Variants in MLLT6 observed in about 807,000 individuals in gnomAD.
The protein encoded by MLLT6 is MLLT6, PHD finger containing, also known as protein AF-17.
MLLT6 carries 22 observed loss-of-function variants against 103.0 expected under a neutral mutation model. That is an observed-to-expected ratio of 0.21 (90% confidence interval 0.15 to 0.31). The LOEUF (loss-of-function observed/expected upper bound fraction) is 0.31. Among genes scored for constraint, MLLT6 ranks in the 10% least tolerant of loss-of-function variants. The pLI is 1.00. For missense variants in MLLT6, 1,199 were observed against 1,441.7 expected, an observed-to-expected ratio of 0.83 and a Z score of 2.73; for synonymous variants, 606 against 623.5, an observed-to-expected ratio of 0.97 and a Z score of 0.42.
chr17:38,719,499 G>A lies in MLLT6; in HGVS notation c.1943-18G>A, dbSNP rs756617088. On this transcript the variant is annotated intron_variant, in intron 12 of 19. Coordinates refer to ENST00000621332, the MANE Select transcript of MLLT6 (RefSeq NM_005937.4). ...CTACCACTCCTCCACGCTGATCCCA[G>A]CCTTCCCTTCTTCCAAGAGCCAGAC... is the stretch of plus-strand genomic sequence containing the variant. 1.9e-6 allele frequency: 3 copies of A among 1,601,020 alleles called. No homozygotes were observed. Among genetic ancestry groups the A allele is most frequent in the Non-Finnish European group, 2.6e-6 (3 of 1,174,340 alleles).
At position 38,716,377 on chromosome 17, in the gene MLLT6, G is replaced by A. The variant is rs1905345295; in HGVS notation, c.1047G>A (p.Leu349=). 1 of 1,611,998 alleles carries A rather than the reference G, an allele frequency of 6.2e-7. No individual in the cohort carries two copies. Among genetic ancestry groups the A allele is most frequent in the Non-Finnish European group, 8.5e-7 (1 of 1,179,308 alleles). ...CCCCTCTGTGCACAGTCTCGTCCCT[G>A]CAGAGCTCCCCTGACTTCTCTGCAT... ...GGPFQPAVSS[L]QSSPDFSAFP... The change falls in exon 10 of 20, where the codon CTG becomes CTA. Residue 349 remains leucine, a synonymous_variant. Coordinates refer to ENST00000621332, the MANE Select transcript of MLLT6 (RefSeq NM_005937.4). The surrounding 1 kb of genome is among the most constrained non-coding windows in gnomAD (Gnocchi z 5.6).
rs1476928344 is a variant in MLLT6, at chr17:38,724,848, C to G, written c.3112C>G (p.Leu1038Val). The change falls in exon 19 of 20, where the codon CTC becomes GTC. Residue 1038 changes from leucine to valine, a missense_variant. This residue lies in a region of MLLT6 where 55 missense variants were observed against 93.3 expected (regional missense o/e 0.59). Coordinates refer to ENST00000621332, the MANE Select transcript of MLLT6 (RefSeq NM_005937.4). This position sits in a 1 kb window ranked among gnomAD's most constrained non-coding sequence, Gnocchi z 5.4. ...VAPSLGNNTSLMAAAAAAAAV... is the reference protein window; with the variant it reads ...VAPSLGNNTSVMAAAAAAAAV... Reference sequence around the variant, plus strand: ...TCCCTCGCTTGGCAACAACACAAGTCTCATGGCCGCAGCAGCTGCAGCTGC... The same window carrying G: ...TCCCTCGCTTGGCAACAACACAAGTGTCATGGCCGCAGCAGCTGCAGCTGC... 6.3e-7 allele frequency: 1 copy of G among 1,582,190 alleles called. No homozygotes were observed.
At chr17:38,717,237 A>T (rs2143690434) in intron 10 of MLLT6, among the ~76,000 whole-genome samples, 195 bp from the exon 11 acceptor site, 1 of 152,278 alleles carries the variant, frequency 6.6e-6, no homozygotes, top group East Asian at 1.9e-4. Flanking sequence ...TCGGCAGGGC[A>T]GTTTAACAAG....
At position 38,724,776 on chromosome 17, in the gene MLLT6, C is replaced by A. The variant is rs748661815; in HGVS notation, c.3040C>A (p.Pro1014Thr). ...GTCTGCGGGTACCCCTGGCCTGCTG[C>A]CCACAGCGTCTGCTCCACCCCTGCT... is the stretch of plus-strand genomic sequence containing the variant. ...LLSAGTPGLL[P>T]TASAPPLLPA... The change falls in exon 19 of 20, where the codon CCC (proline) becomes ACC (threonine). Residue 1014 changes from proline (P) to threonine (T), a missense_variant. By Grantham distance (38) the Pro-to-Thr change is conservative (BLOSUM62 -1). Around this residue, in one of 7 missense-constraint regions of MLLT6, gnomAD observed 1,034 missense variants for 1,091.5 expected, o/e 0.95. Transcript: ENST00000621332. This position sits in a 1 kb window ranked among gnomAD's most constrained non-coding sequence, Gnocchi z 5.4. 1.2e-6 allele frequency: 2 copies of A among 1,607,400 alleles called. No homozygotes were observed. The highest frequency in any genetic ancestry group is 3.4e-5 in the Admixed American group (2 of 59,222).
In MLLT6 at chr17:38,728,786, C is replaced by T. The variant is rs1906170458; in HGVS notation, c.*3188C>T. The T allele has an allele frequency of 4.3e-6, 1 of 234,316 alleles. No individual in the cohort carries two copies. The highest frequency in any genetic ancestry group is 2.2e-5 in the African/African-American group (1 of 45,368). The allele number at this position is 234,316 out of a possible 1,614,324, so 14.5% of individuals were successfully genotyped here. ...GCTGGCTGTCCCTGTGTGTGTGTGACACACGGTGTGAGTGCAGGGCTGTGC... is the reference window on the plus strand; with the variant it reads ...GCTGGCTGTCCCTGTGTGTGTGTGATACACGGTGTGAGTGCAGGGCTGTGC... On this transcript the variant is annotated 3_prime_UTR_variant, in exon 20 of 20. Transcript: ENST00000621332.
chr17:38,708,892 C>T (rs765412954), intron 4 of MLLT6, among the ~76,000 whole-genome samples: 4 of 152,214 alleles, frequency 2.6e-5, no homozygotes, highest in Middle Eastern at 3.4e-3. Flanking sequence ...AGGGAGACTC[C>T]GTCTCAAATA....
chr17:38,715,909 T>G (rs1905321196), intron 9 of MLLT6, 81 bp downstream of exon 9: 21 of 1,263,122 alleles, frequency 1.7e-5, no homozygotes, highest in Non-Finnish European at 2.3e-5. Context: ...ACTTTGCATA[T>G]TGGTTTTGCA....
chr17:38,707,593 G>C, intron 3 of MLLT6, 53 bp downstream of exon 3: 1 of 1,583,316 alleles, frequency 6.3e-7, no homozygotes, highest in Non-Finnish European at 8.7e-7. Context: ...CAGGGTCTGG[G>C]AAGGCAGGAA....
At position 38,725,706 on chromosome 17, in the gene MLLT6, C is replaced by G. The variant is rs956151090; in HGVS notation, c.*108C>G. 3.3e-5 allele frequency: 32 copies of G among 970,970 alleles called. No homozygotes were observed. The highest frequency in any genetic ancestry group is 4.7e-5 in the Non-Finnish European group (31 of 658,154). 60.1% of individuals were successfully genotyped at this position (970,970 alleles called of 1,614,324 possible). A position where few individuals can be genotyped will look rare whatever the true frequency, so the allele number is the denominator to read the frequency against. ...CGCCCAGACCCTGGAGAGCCTTGAC[C>G]CAGAGCCTGTGCTGAGGTCCAGGGA... On this transcript the variant is annotated 3_prime_UTR_variant, in exon 20 of 20. Coordinates refer to ENST00000621332, the MANE Select transcript of MLLT6 (RefSeq NM_005937.4).
chr17:38,718,060 C>G (rs967634045), intron 12 of MLLT6, 107 bp downstream of exon 12: 2 of 779,740 alleles, frequency 2.6e-6, no homozygotes, highest in Non-Finnish European at 4.3e-6. Context: ...TGCCCCCTCC[C>G]TCTGGCCATT....
intron 12 of MLLT6, chr17:38,719,038 TATG>T (rs1905518871): frequency 5.1e-6 from 1 of 195,450 alleles, no homozygotes; most frequent in Non-Finnish European, 1.1e-5. Flanking sequence ...CAGAGCTAAT[TATG>T]ATAATAGCTG....
intron 3 of MLLT6, 74 bp from the exon 4 acceptor site, chr17:38,707,689 T>C: frequency 3.3e-6 from 4 of 1,223,694 alleles, no homozygotes; most frequent in Non-Finnish European, 4.8e-6. Flanking sequence ...GGGAACAGTC[T>C]GCAGCGTGGG....
At position 38,724,464 on chromosome 17, in the gene MLLT6, A is replaced by G; in HGVS notation, c.2884-156A>G. The G allele has an allele frequency of 1.7e-6, 1 of 578,410 alleles. No homozygotes were observed. The highest frequency in any genetic ancestry group is 3.0e-6 in the Non-Finnish European group (1 of 331,202). The allele number at this position is 578,410 out of a possible 1,614,324, so 35.8% of individuals were successfully genotyped here. Reference sequence around the variant, plus strand: ...TTGTCTAGATGGGGAGACCCAGGCTAAGTGGGAAATGCGAGACAGTACCTT... The same window carrying G: ...TTGTCTAGATGGGGAGACCCAGGCTGAGTGGGAAATGCGAGACAGTACCTT... On this transcript the variant is annotated intron_variant, in intron 18 of 19. Transcript: ENST00000621332. This position sits in a 1 kb window ranked among gnomAD's most constrained non-coding sequence, Gnocchi z 5.4.
At chr17:38,710,211 G>C (rs956548277) in intron 6 of MLLT6, among the ~76,000 whole-genome samples, 6 of 152,312 alleles carry the variant, frequency 3.9e-5, no homozygotes, top group Admixed American at 2.6e-4. Flanking sequence ...GTTTGGTGGG[G>C]AAGAGGCAGG....
chr17:38,725,518 C>G, intron 19 of MLLT6, 39 bp from the exon 20 acceptor site: 1 of 1,596,392 alleles, frequency 6.3e-7, no homozygotes, highest in South Asian at 1.1e-5. Context: ...TAGGACCTGA[C>G]ACTTTCCACA....
chr17:38,721,841 TG>T, intron 16 of MLLT6, 36 bp from the exon 17 acceptor site: 2 of 1,451,756 alleles, frequency 1.4e-6, no homozygotes, highest in Non-Finnish European at 1.9e-6. Context: ...AAAGTCATGC[TG>T]GCCCTCTGAC....
At position 38,724,763 on chromosome 17, in the gene MLLT6, C is replaced by A. The variant is rs1327379268; in HGVS notation, c.3027C>A (p.Thr1009=). The A allele has an allele frequency of 6.2e-7, 1 of 1,608,730 alleles. No homozygotes were observed. Among genetic ancestry groups the A allele is most frequent in the South Asian group, 1.1e-5 (1 of 90,180 alleles). Residue 1009 remains threonine (T), a synonymous_variant, in exon 19 of 20, where the codon ACC becomes ACA. Coordinates refer to ENST00000621332, the MANE Select transcript of MLLT6 (RefSeq NM_005937.4). This position sits in a 1 kb window ranked among gnomAD's most constrained non-coding sequence, Gnocchi z 5.4. ...GSSTPLLSAG[T]PGLLPTASAP... ...CCACCCCGCTGCTGTCTGCGGGTAC[C>A]CCTGGCCTGCTGCCCACAGCGTCTG...
At chr17:38,708,958 C>T (rs560422273) in intron 4 of MLLT6, 58 of 539,850 alleles carry the variant, frequency 1.1e-4, no homozygotes, top group African/African-American at 7.4e-4. Flanking sequence ...TCCTCAGTCA[C>T]GCTAGCCATA....
In MLLT6 at chr17:38,722,037, C is replaced by T. The variant is rs532639486; in HGVS notation, c.2602C>T (p.Arg868Trp). ...LPPQPQNGLGRAPGAAGLGAM... is the reference protein window; with the variant it reads ...LPPQPQNGLGWAPGAAGLGAM... ...GCCCCAGCCGCAGAACGGGTTGGGC[C>T]GGGCACCCGGGGCAGCGGGGCTGGG... is the stretch of plus-strand genomic sequence containing the variant. The change falls in exon 17 of 20, where the codon CGG becomes TGG. Residue 868 changes from arginine (R) to tryptophan (W), a missense_variant. Around this residue, in one of 7 missense-constraint regions of MLLT6, gnomAD observed 1,034 missense variants for 1,091.5 expected, o/e 0.95. Coordinates refer to ENST00000621332, the MANE Select transcript of MLLT6 (RefSeq NM_005937.4). The T allele has an allele frequency of 1.8e-5, 26 of 1,424,432 alleles. No individual in the cohort carries two copies. Among genetic ancestry groups the T allele is most frequent in the East Asian group, 1.4e-4 (5 of 34,664 alleles). The allele number at this position is 1,424,432 out of a possible 1,614,324, so 88.2% of individuals were successfully genotyped here.
Sources: allele counts gnomAD v4.1 joint callset (sites outside exome capture counted in the v4.1 genomes callset), GRCh38; gene constraint gnomAD v4.1.1; regional missense constraint gnomAD v4.1.1; non-coding constraint Gnocchi (gnomAD v3.1); transcripts MANE v1.5; gene names NCBI Gene and HGNC (gene_info 2026-07-23, HGNC 2026-07-21).